NCKAP5: variants seen among roughly 807,000 people sequenced by gnomAD.
NCKAP5 encodes NCK associated protein 5, also known as nck-associated protein 5.
NCKAP5 carries 92 observed loss-of-function variants against 167.0 expected under a neutral mutation model. The observed-to-expected ratio is 0.55, with a 90% CI of 0.47 to 0.66. The LOEUF is 0.66. Among genes scored for constraint, NCKAP5 ranks in the 30% least tolerant of loss-of-function variants. The pLI, the probability that NCKAP5 is intolerant of heterozygous loss-of-function variation, is 0.00. For missense variants in NCKAP5, 2,378 were observed against 2,315.0 expected (o/e 1.03, Z -0.56); for synonymous variants, 891 against 877.4 (o/e 1.02, Z -0.27).
the NCKAP5 span, among the ~76,000 whole-genome samples, chr2:133,647,411 G>A: frequency 8.6e-6 from 1 of 116,724 alleles, no homozygotes; most frequent in African/African-American, 4.1e-5. Flanking sequence ...AAGGAAGGAA[G>A]GAAGGAAGAG....
At chr2:133,114,708 G>GA (rs2082019024) in intron 6 of NCKAP5, among the ~76,000 whole-genome samples, 1 of 151,684 alleles carries the variant, frequency 6.6e-6, no homozygotes, top group Non-Finnish European at 1.5e-5. Flanking sequence ...TTTATTTGTT[G>GA]AAAAAAACAG....
At chr2:132,777,191 G>A (rs1682626758) in intron 15 of NCKAP5, among the ~76,000 whole-genome samples, 1 of 152,014 alleles carries the variant, frequency 6.6e-6, no homozygotes, top group African/African-American at 2.4e-5. Context: ...CATCTTTTGG[G>A]GCTCTGCAGT....
chr2:132,850,987 T>C (rs1410024534), intron 11 of NCKAP5, among the ~76,000 whole-genome samples: 1 of 152,110 alleles, frequency 6.6e-6, no homozygotes, highest in East Asian at 1.9e-4. Context: ...TCCTTGCAGG[T>C]GAATGGCCTT....
intron 3 of NCKAP5, among the ~76,000 whole-genome samples, chr2:133,358,640 T>A (rs1324200707): frequency 6.6e-6 from 1 of 152,190 alleles, no homozygotes; most frequent in Non-Finnish European, 1.5e-5. Flanking sequence ...CCCATCTCCA[T>A]CATTTCAATG....
intron 9 of NCKAP5, among the ~76,000 whole-genome samples, chr2:132,876,230 A>G (rs968253630): frequency 6.6e-6 from 1 of 151,584 alleles, no homozygotes; most frequent in Non-Finnish European, 1.5e-5. Context: ...GTCTACAGGT[A>G]CCTGCCACTA....
intron 16 of NCKAP5, among the ~76,000 whole-genome samples, chr2:132,750,326 G>A (rs1680006949): frequency 6.6e-6 from 1 of 152,068 alleles, no homozygotes; most frequent in African/African-American, 2.4e-5. Flanking sequence ...TTCAAAAGAT[G>A]GTATCAAGAA....
intron 5 of NCKAP5, among the ~76,000 whole-genome samples, chr2:133,134,274 C>T (rs2149810940): frequency 6.6e-6 from 1 of 152,308 alleles, no homozygotes; most frequent in East Asian, 1.9e-4. Flanking sequence ...TATCCACTTC[C>T]ACAAAAAACT....
chr2:133,390,128 C>T (rs1687291627), intron 3 of NCKAP5, among the ~76,000 whole-genome samples: 1 of 152,236 alleles, frequency 6.6e-6, no homozygotes, highest in African/African-American at 2.4e-5. Flanking sequence ...TACCCTGTGT[C>T]CCATGGGCCA....
intron 19 of NCKAP5, among the ~76,000 whole-genome samples, chr2:132,680,489 T>G (rs887199768): frequency 3.3e-5 from 5 of 151,928 alleles, no homozygotes; most frequent in African/African-American, 1.2e-4. Context: ...AGGGGGGAAA[T>G]AAACTCACTT....
intron 3 of NCKAP5, among the ~76,000 whole-genome samples, chr2:133,514,002 T>C (rs943108520): frequency 1.3e-5 from 2 of 152,148 alleles, no homozygotes; most frequent in Non-Finnish European, 2.9e-5. Context: ...GAGCACAGTG[T>C]GAAATGATGA....
chr2:133,647,432 A>AG, the NCKAP5 span, among the ~76,000 whole-genome samples: 148 of 80,878 alleles, frequency 1.8e-3, 5 homozygotes, highest in African/African-American at 3.0e-3. Context: ...AAAGAAAGGA[A>AG]GAAAGAAAGA....
At chr2:133,429,307 C>A (rs1270751638) in intron 3 of NCKAP5, among the ~76,000 whole-genome samples, 1 of 151,674 alleles carries the variant, frequency 6.6e-6, no homozygotes, top group Admixed American at 6.6e-5. Context: ...TTTTTAATTT[C>A]CATTTTTATT....
chr2:132,918,448 G>A (rs1695053111), intron 8 of NCKAP5, among the ~76,000 whole-genome samples: 1 of 152,122 alleles, frequency 6.6e-6, no homozygotes, highest in African/African-American at 2.4e-5. Context: ...ATAGATCGTA[G>A]GGTTTGTCAT....
At chr2:132,953,528 G>A (rs1440902345) in intron 8 of NCKAP5, among the ~76,000 whole-genome samples, 1 of 151,882 alleles carries the variant, frequency 6.6e-6, no homozygotes, top group Non-Finnish European at 1.5e-5. Flanking sequence ...AACAATGTGA[G>A]TATCTCAAGG....
At chr2:133,407,858 T>C (rs1193826896) in intron 3 of NCKAP5, among the ~76,000 whole-genome samples, 2 of 152,326 alleles carry the variant, frequency 1.3e-5, no homozygotes. Flanking sequence ...AGTTGTTGTT[T>C]AGGAAGGAGG....
At chr2:133,192,331 T>C (rs894070735) in intron 5 of NCKAP5, among the ~76,000 whole-genome samples, 10 of 152,076 alleles carry the variant, frequency 6.6e-5, no homozygotes, top group Non-Finnish European at 1.5e-5. Flanking sequence ...AGGAGAAAAT[T>C]GTTGAGAACT....
At chr2:133,102,872 T>A (rs577808781) in intron 6 of NCKAP5, among the ~76,000 whole-genome samples, 49 of 151,802 alleles carry the variant, frequency 3.2e-4, no homozygotes, top group Middle Eastern at 3.4e-3. Flanking sequence ...AAGACTGAGC[T>A]CCCAGAGAGC....
At chr2:133,025,849 T>C (rs1248563262) in intron 6 of NCKAP5, among the ~76,000 whole-genome samples, 1 of 152,226 alleles carries the variant, frequency 6.6e-6, no homozygotes, top group South Asian at 2.1e-4. Flanking sequence ...AGATCCACAG[T>C]ACATGTGCAT....
intron 6 of NCKAP5, among the ~76,000 whole-genome samples, chr2:133,126,754 TC>T (rs1424155647): frequency 1.5e-4 from 23 of 152,234 alleles, no homozygotes; most frequent in East Asian, 9.7e-4. Flanking sequence ...ATTACTTGTT[TC>T]TTTTTTTCTT....
Sources: gnomAD v4.1 joint callset for allele counts (sites outside exome capture counted in the v4.1 genomes callset) on GRCh38, gnomAD v4.1.1 for gene constraint, MANE v1.5 for transcripts, NCBI Gene and HGNC (gene_info 2026-07-23, HGNC 2026-07-21) for gene names.